Variants in METTL8 observed in about 807,000 individuals in gnomAD.
METTL8 encodes the protein tRNA N(3)-cytidine methyltransferase METTL8, mitochondrial.
In METTL8, 32 loss-of-function variants were observed where a neutral mutation model predicts 48.7. The ratio of observed to expected loss-of-function variants is 0.66; its 90% CI spans 0.50 to 0.88. METTL8 has a LOEUF of 0.88. Ranked by LOEUF, METTL8 falls within the 40% of genes least tolerant of loss-of-function variation. The pLI, the probability that METTL8 is intolerant of heterozygous loss-of-function variation, is 0.00. For synonymous variants in METTL8, 136 were observed against 157.1 expected (o/e 0.87, Z 1.01); for missense variants, 464 against 474.4 (o/e 0.98, Z 0.20).
chr2:171,398,274 A>G (rs1012609607), intron 1 of METTL8, among the ~76,000 whole-genome samples: 1 of 152,220 alleles, frequency 6.6e-6, no homozygotes, highest in African/African-American at 2.4e-5. Flanking sequence ...GATAAACAAA[A>G]TGTGATACAT....
chr2:171,361,034 T>G (rs1685111393), intron 2 of METTL8, among the ~76,000 whole-genome samples: 1 of 152,212 alleles, frequency 6.6e-6, no homozygotes, highest in South Asian at 2.1e-4. Context: ...TGTAAAAGGA[T>G]TCATTTGCAT....
At chr2:171,400,803 T>G (rs946111868) in intron 1 of METTL8, among the ~76,000 whole-genome samples, 1 of 152,144 alleles carries the variant, frequency 6.6e-6, no homozygotes, top group Non-Finnish European at 1.5e-5. Flanking sequence ...TTAATACTAC[T>G]AGAGGAACAC....
At chr2:171,367,132 A>G (rs1426264628) in intron 2 of METTL8, among the ~76,000 whole-genome samples, 1 of 152,118 alleles carries the variant, frequency 6.6e-6, no homozygotes, top group Non-Finnish European at 1.5e-5. Context: ...ATAAAGAAAT[A>G]CTAAAATTTT....
intron 2 of METTL8, among the ~76,000 whole-genome samples, chr2:171,361,989 G>A (rs1685215597): frequency 6.6e-6 from 1 of 152,194 alleles, no homozygotes; most frequent in African/African-American, 2.4e-5. Context: ...AGGAGGAAAA[G>A]TGGTGGAGCA....
intron 2 of METTL8, among the ~76,000 whole-genome samples, chr2:171,388,397 T>C (rs60925959): frequency 0.046 from 6,937 of 152,276 alleles, 520 homozygotes; most frequent in African/African-American, 0.15. Context: ...CTACCCCCCA[T>C]CTGGCCTATG....
rs1017888330 is a variant in METTL8, at chr2:171,409,904, C to T, written c.-12-17707G>A. Reference sequence around the variant, plus strand: ...CCAGGCAGAGCCTTGTAATTGTCTACGGTCAGGCCGGAAAGATCACATGTG... The same window carrying T: ...CCAGGCAGAGCCTTGTAATTGTCTATGGTCAGGCCGGAAAGATCACATGTG... On this transcript the variant is annotated intron_variant, in intron 1 of 9. Coordinates refer to ENST00000375258, the MANE Select transcript of METTL8 (RefSeq NM_001321154.2). Among the ~76,000 whole-genome samples, 8 of 152,260 alleles carry T rather than the reference C, an allele frequency of 5.3e-5. No homozygotes were observed. The East Asian group carries it at 5.8e-4, about 11-fold the overall frequency.
intron 2 of METTL8, among the ~76,000 whole-genome samples, chr2:171,389,315 T>C (rs1688362688): frequency 6.7e-6 from 1 of 150,274 alleles, no homozygotes; most frequent in Non-Finnish European, 1.5e-5. Context: ...AGCTCAGGAG[T>C]TCAAGGCCAG....
intron 2 of METTL8, among the ~76,000 whole-genome samples, chr2:171,379,771 A>G (rs1353690254): frequency 6.6e-6 from 1 of 152,184 alleles, no homozygotes; most frequent in Non-Finnish European, 1.5e-5. Context: ...TTACCAACCA[A>G]AAAAAGCCCA....
At chr2:171,334,855 T>A (rs1411015332) in intron 5 of METTL8, among the ~76,000 whole-genome samples, 1 of 152,200 alleles carries the variant, frequency 6.6e-6, no homozygotes, top group Non-Finnish European at 1.5e-5. Context: ...CAATATGTAT[T>A]GAGCTCCAAC....
intron 3 of METTL8, among the ~76,000 whole-genome samples, chr2:171,341,115 G>A (rs1053073470): frequency 4.6e-5 from 7 of 151,790 alleles, no homozygotes; most frequent in African/African-American, 1.7e-4. Context: ...GGATCACGAG[G>A]TCAGGAGTTC....
At chr2:171,339,900 T>TA (rs1337488768) in intron 3 of METTL8, among the ~76,000 whole-genome samples, 2 of 152,190 alleles carry the variant, frequency 1.3e-5, no homozygotes, top group African/African-American at 4.8e-5. Context: ...TGTGGTTTTT[T>TA]ATTATCTTAA....
intron 1 of METTL8, among the ~76,000 whole-genome samples, chr2:171,397,682 T>C (rs191322284): frequency 1.3e-5 from 2 of 152,028 alleles, no homozygotes; most frequent in Admixed American, 1.3e-4. Context: ...CTGGCAAGAC[T>C]GATATCAAAC....
intron 3 of METTL8, among the ~76,000 whole-genome samples, chr2:171,345,299 T>C (rs1687157758): frequency 6.6e-6 from 1 of 152,180 alleles, no homozygotes; most frequent in African/African-American, 2.4e-5. Context: ...AGAAATTGAA[T>C]TAAACCATTT....
rs775858124 is a variant in METTL8, at chr2:171,360,473, T to C, written c.184A>G (p.Arg62Gly). Residue 62 changes from arginine to glycine, a missense_variant, in exon 3 of 10, where the codon AGA (arginine) becomes GGA (glycine). Transcript: ENST00000375258. ...GCTGAGTTTTCTTTTACTTTTTTTCTGGCTGCTGCTTCTTCTTCCTTAGAC... is the reference window on the plus strand; with the variant it reads ...GCTGAGTTTTCTTTTACTTTTTTTCCGGCTGCTGCTTCTTCTTCCTTAGAC... ...QWSKEEEAAARKKVKENSAVR... is the reference protein window; with the variant it reads ...QWSKEEEAAAGKKVKENSAVR... 4 of 1,613,944 alleles carry C rather than the reference T, an allele frequency of 2.5e-6. No homozygotes were observed. The highest frequency in any genetic ancestry group is 2.2e-5 in the South Asian group (2 of 91,072).
chr2:171,352,946 G>A (rs1352693161), intron 3 of METTL8, among the ~76,000 whole-genome samples: 2 of 152,124 alleles, frequency 1.3e-5, no homozygotes, highest in Non-Finnish European at 2.9e-5. Context: ...TTTTTTGAAG[G>A]GTTTTTTGTG....
intron 2 of METTL8, among the ~76,000 whole-genome samples, chr2:171,371,422 T>C (rs777201356): frequency 2.6e-5 from 4 of 152,238 alleles, no homozygotes; most frequent in Non-Finnish European, 5.9e-5. Context: ...TGTGGCACCA[T>C]CTCGGTTCAC....
At chr2:171,434,621 G>T, upstream of METTL8, 3 of 1,531,280 alleles carry the variant, frequency 2.0e-6, no homozygotes, top group South Asian at 3.6e-5. Context: ...CGGCTGAGTC[G>T]CCGGGCGCTG....
chr2:171,357,966 G>T (rs188238531), intron 3 of METTL8, among the ~76,000 whole-genome samples: 3 of 152,008 alleles, frequency 2.0e-5, no homozygotes, highest in African/African-American at 7.2e-5. Flanking sequence ...AAAATGCTGG[G>T]ATTACAAGTG....
chr2:171,420,140 CA>C (rs1691726130), intron 1 of METTL8, among the ~76,000 whole-genome samples: 2 of 152,070 alleles, frequency 1.3e-5, no homozygotes, highest in African/African-American at 4.8e-5. Context: ...CACTTGAGCT[CA>C]GGAGTTCAAG....
Sources: allele counts gnomAD v4.1 joint callset (sites outside exome capture counted in the v4.1 genomes callset), GRCh38; gene constraint gnomAD v4.1.1; transcripts MANE v1.5; gene names NCBI Gene and HGNC (gene_info 2026-07-23, HGNC 2026-07-21).